Variants in FBXO15 observed in about 807,000 individuals in gnomAD.
The protein encoded by FBXO15 is F-box only protein 15.
Under a neutral mutation model 49.5 loss-of-function variants are expected in FBXO15, and 30 were observed. That is an observed-to-expected ratio of 0.61 (90% CI 0.45 to 0.82). The LOEUF is 0.82. Among genes scored for constraint, FBXO15 ranks in the 40% least tolerant of loss-of-function variants. The probability of loss-of-function intolerance (pLI) is 0.00; values close to 1 mark genes in which losing one functional copy is unlikely to be tolerated. For missense variants in FBXO15, 591 were observed against 631.5 expected, an observed-to-expected ratio of 0.94 and a Z score of 0.69; for synonymous variants, 250 against 232.7, an observed-to-expected ratio of 1.07 and a Z score of -0.68.
chr18:74,104,713 G>T (rs1159370391), intron 8 of FBXO15, among the ~76,000 whole-genome samples: 1 of 152,124 alleles, frequency 6.6e-6, no homozygotes, highest in Admixed American at 6.6e-5. Context: ...TGATAAAGGG[G>T]TCAATTTGGC....
Position 74,117,134 on chromosome 18 carries a change from T to C in FBXO15, c.1138+6234A>G, listed in dbSNP as rs114320615. Among the ~76,000 whole-genome samples the C allele has an allele frequency of 5.9e-3, 894 of 152,154 alleles. 12 individuals carry two copies. Among genetic ancestry groups the C allele is most frequent in the African/African-American group, 0.02 (847 of 41,424 alleles). ...GGACATTCTATTTGTATAATACTTT[T>C]AAAAATGTTACAAAGACACTCTGAT... On this transcript the variant is annotated intron_variant, in intron 8 of 9. Transcript: ENST00000419743.
chr18:74,136,845 C>T (rs567712754), intron 2 of FBXO15, among the ~76,000 whole-genome samples: 1 of 152,192 alleles, frequency 6.6e-6, no homozygotes, highest in Non-Finnish European at 1.5e-5. Flanking sequence ...TATCAAGGGT[C>T]GGTGGGGGGC....
rs1979532898 is a variant in FBXO15 at position 74,147,683 on chromosome 18, C to T, written c.103G>A (p.Ala35Thr). ...CCCTACAGTCACCTGCACCCAAAGG[C>T]CCTGGCGCGCCCCCGGGCCGCGCCA... The part of the protein sequence containing the change: ...GGGAARGRAR[A>T]FGCRKGPGVK... Residue 35 changes from alanine (A) to threonine (T), a missense_variant, in exon 1 of 10, where the codon GCC becomes ACC. Coordinates refer to ENST00000419743, the MANE Select transcript of FBXO15 (RefSeq NM_001142958.2). 2.0e-6 allele frequency: 3 copies of T among 1,497,024 alleles called. No homozygotes were observed. The highest frequency in any genetic ancestry group is 2.3e-5 in the Admixed American group (1 of 43,772). The allele number at this position is 1,497,024 out of a possible 1,614,324, so 92.7% of individuals were successfully genotyped here.
intron 8 of FBXO15, among the ~76,000 whole-genome samples, chr18:74,111,912 G>A (rs1194447250): frequency 2.0e-5 from 3 of 152,080 alleles, no homozygotes; most frequent in Non-Finnish European, 2.9e-5. Flanking sequence ...TATGAACAAA[G>A]CAATGCCCAC....
rs978479566 is a variant in FBXO15, at chr18:74,147,793, A to T, written c.-8T>A. On this transcript the variant is annotated 5_prime_UTR_variant, in exon 1 of 10. The change creates a new upstream start codon in the 5' untranslated region. Transcript: ENST00000419743. ...ACCGCGTCCAGTCGCCATAGAGACA[A>T]GGAGTTCACCACAGGACCGCGCCAG... 2 of 1,528,318 alleles carry T rather than the reference A, an allele frequency of 1.3e-6. No individual in the cohort carries two copies. Among genetic ancestry groups the T allele is most frequent in the East Asian group, 2.5e-5 (1 of 39,638 alleles). 94.7% of individuals were successfully genotyped at this position (1,528,318 alleles called of 1,614,324 possible).
chr18:74,125,499 A>G (rs1233033896), intron 6 of FBXO15, among the ~76,000 whole-genome samples: 1 of 152,238 alleles, frequency 6.6e-6, no homozygotes, highest in African/African-American at 2.4e-5. Flanking sequence ...GAGAAAGGAT[A>G]ACATCGTAGA....
rs1204114115 is a variant in FBXO15 at position 74,140,182 on chromosome 18, A to G, written c.227+20T>C. 1.3e-6 allele frequency: 2 copies of G among 1,543,080 alleles called. No homozygotes were observed. The highest frequency in any genetic ancestry group is 2.4e-5 in the East Asian group (1 of 40,888). On this transcript the variant is annotated intron_variant, in intron 2 of 9. Coordinates refer to ENST00000419743, the MANE Select transcript of FBXO15 (RefSeq NM_001142958.2). Reference sequence around the variant, plus strand: ...ATGCCTAGAGGCCCCCAAAAGTGACAGTCTACTTCTGCTACTTACCCATCC... The same window carrying G: ...ATGCCTAGAGGCCCCCAAAAGTGACGGTCTACTTCTGCTACTTACCCATCC...
intron 8 of FBXO15, among the ~76,000 whole-genome samples, chr18:74,118,009 CTT>C (rs35355168): frequency 5.6e-4 from 79 of 141,108 alleles, no homozygotes; most frequent in African/African-American, 6.2e-4. Flanking sequence ...ATACATATTT[CTT>C]TTTTTTTTTT....
At chr18:74,115,638 G>T (rs1914197255) in intron 8 of FBXO15, among the ~76,000 whole-genome samples, 1 of 152,044 alleles carries the variant, frequency 6.6e-6, no homozygotes, top group Admixed American at 6.5e-5. Flanking sequence ...GCCAGTATAA[G>T]GCAAATTATT....
At chr18:74,119,461 A>G (rs1250526338) in intron 8 of FBXO15, among the ~76,000 whole-genome samples, 1 of 152,184 alleles carries the variant, frequency 6.6e-6, no homozygotes, top group Non-Finnish European at 1.5e-5. Flanking sequence ...AACTACCTAA[A>G]TAAGTAAACT....
intron 3 of FBXO15, chr18:74,130,882 A>T: frequency 2.3e-6 from 1 of 434,900 alleles, no homozygotes; most frequent in East Asian, 4.7e-5. Flanking sequence ...GGAAAAGCCC[A>T]TTTCCCAGGG....
rs1408645772 is a variant in FBXO15 at position 74,074,419 on chromosome 18, G to A, written c.1264-689C>T. Among the ~76,000 whole-genome samples the A allele has an allele frequency of 6.6e-6, 1 of 152,196 alleles. No individual in the cohort carries two copies. Among genetic ancestry groups the A allele is most frequent in the East Asian group, 1.9e-4 (1 of 5,184 alleles). On this transcript the variant is annotated intron_variant, in intron 9 of 9. Transcript: ENST00000419743. The surrounding 1 kb of genome is among the most constrained non-coding windows in gnomAD (Gnocchi z 4.7). Reference sequence around the variant, plus strand: ...CCAGTATCCTGGACTCTCAACTCCTGAGCTGGTCAACTCCATGACCTCCTC... The same window carrying A: ...CCAGTATCCTGGACTCTCAACTCCTAAGCTGGTCAACTCCATGACCTCCTC...
chr18:74,130,842 C>A, intron 3 of FBXO15, 184 bp from the exon 4 acceptor site: 1 of 596,864 alleles, frequency 1.7e-6, no homozygotes, highest in African/African-American at 1.9e-5. Flanking sequence ...GTTTTAAATT[C>A]AACACCACCA....
chr18:74,143,565 C>T, intron 1 of FBXO15, among the ~76,000 whole-genome samples: 1 of 152,168 alleles, frequency 6.6e-6, no homozygotes, highest in East Asian at 1.9e-4. Context: ...ATAGTTCACT[C>T]AAGAATGTCC....
intron 2 of FBXO15, among the ~76,000 whole-genome samples, chr18:74,136,876 CAG>C (rs1978757836): frequency 6.6e-6 from 1 of 152,136 alleles, no homozygotes; most frequent in Non-Finnish European, 1.5e-5. Flanking sequence ...ATAAAGGAGT[CAG>C]GGGAGAAATC....
At chr18:74,133,517 C>A (rs1384192107) in intron 3 of FBXO15, among the ~76,000 whole-genome samples, 1 of 152,232 alleles carries the variant, frequency 6.6e-6, no homozygotes, top group African/African-American at 2.4e-5. Flanking sequence ...TTGACTCCTT[C>A]CTTGAAAAAT....
chr18:74,125,868 T>C, intron 6 of FBXO15, 107 bp downstream of exon 6: 1 of 1,445,636 alleles, frequency 6.9e-7, no homozygotes, highest in Admixed American at 2.0e-5. Context: ...GGATTGCAGT[T>C]AGTGAAAAGC....
At position 74,085,121 on chromosome 18, in the gene FBXO15, GAA is replaced by G. The variant is rs371888507; in HGVS notation, c.1139-3072_1139-3071del. Reference sequence around the variant, plus strand: ...AAGCATAATCCCAATAGGTACTTCAGAAAATGGTTTATAAATAATTAATACTT... The same window carrying G: ...AAGCATAATCCCAATAGGTACTTCAGAATGGTTTATAAATAATTAATACTT... On this transcript the variant is annotated intron_variant, in intron 8 of 9. Transcript: ENST00000419743. 5.5e-3 allele frequency among the ~76,000 whole-genome samples: 842 copies of G among 151,962 alleles called. 7 individuals carry two copies. The highest frequency in any genetic ancestry group is 0.02 in the African/African-American group (810 of 41,396).
chr18:74,078,501 C>T (rs1333576133), intron 9 of FBXO15: 1 of 152,966 alleles, frequency 6.5e-6, no homozygotes, highest in Non-Finnish European at 1.5e-5. Flanking sequence ...AGCTGCCCCT[C>T]ACCTCTAGAA....
Sources: gnomAD v4.1 joint callset for allele counts (sites outside exome capture counted in the v4.1 genomes callset) on GRCh38, gnomAD v4.1.1 for gene constraint, Gnocchi (gnomAD v3.1) non-coding constraint, MANE v1.5 for transcripts, NCBI Gene and HGNC (gene_info 2026-07-23, HGNC 2026-07-21) for gene names.